NTNG1: variants seen among roughly 807,000 people sequenced by gnomAD.
NTNG1 encodes netrin G1, also known as netrin-G1.
A neutral mutation model predicts 54.0 loss-of-function variants in NTNG1; 16 were observed. The ratio of observed to expected loss-of-function variants is 0.30; its 90% CI spans 0.20 to 0.45. The LOEUF (loss-of-function observed/expected upper bound fraction) is 0.45, where lower values mean the gene tolerates loss of function less well. NTNG1 is among the 20% of genes least tolerant of loss of function. The pLI, the probability that NTNG1 is intolerant of heterozygous loss-of-function variation, is 1.00. For missense variants in NTNG1, 530 were observed against 678.7 expected (o/e 0.78, Z 2.43); for synonymous variants, 255 against 263.1 (o/e 0.97, Z 0.30).
At chr1:107,410,686 G>A (rs964127297) in intron 5 of NTNG1, 8 of 152,036 alleles carry the variant, frequency 5.3e-5, no homozygotes, top group East Asian at 1.9e-4. Flanking sequence ...TAAAATTCGT[G>A]ATTTTATCCA....
chr1:107,179,731 T>A (rs139951764), intron 2 of NTNG1, among the ~76,000 whole-genome samples: 637 of 152,184 alleles, frequency 4.2e-3, no homozygotes, highest in Non-Finnish European at 6.9e-3. Flanking sequence ...TTCCTGATCC[T>A]CTCCCTCCTC....
At chr1:107,257,845 T>A (rs556179972) in intron 2 of NTNG1, among the ~76,000 whole-genome samples, 1 of 152,320 alleles carries the variant, frequency 6.6e-6, no homozygotes, top group East Asian at 1.9e-4. Context: ...ATTCTTCCAA[T>A]GACCTCAGCA....
intron 3 of NTNG1, among the ~76,000 whole-genome samples, chr1:107,340,102 T>G (rs924529671): frequency 6.6e-6 from 1 of 152,106 alleles, no homozygotes; most frequent in African/African-American, 2.4e-5. Flanking sequence ...TCTAAACAAT[T>G]ATCTCCATAT....
intron 2 of NTNG1, among the ~76,000 whole-genome samples, chr1:107,305,588 T>G (rs1221429222): frequency 6.6e-6 from 1 of 152,152 alleles, no homozygotes; most frequent in Non-Finnish European, 1.5e-5. Flanking sequence ...TGGGGTTATT[T>G]TTTTTTCTTG....
intron 3 of NTNG1, among the ~76,000 whole-genome samples, chr1:107,361,385 ATATATATT>A (rs1670283439): frequency 1.4e-5 from 1 of 72,588 alleles, no homozygotes; most frequent in East Asian, 3.7e-4. Flanking sequence ...ATATATATAT[ATATATATT>A]TTTTTTTTTT....
At chr1:107,477,995 T>C (rs549749193) in intron 7 of NTNG1, among the ~76,000 whole-genome samples, 3 of 152,228 alleles carry the variant, frequency 2.0e-5, no homozygotes, top group South Asian at 4.1e-4. Flanking sequence ...TCTTTTATTT[T>C]CTTTGCGGGG....
chr1:107,395,627 A>C, intron 4 of NTNG1: 2 of 519,566 alleles, frequency 3.8e-6, no homozygotes, highest in South Asian at 1.8e-5. Context: ...CCCCAAATTA[A>C]TTTCCTATTA....
chr1:107,336,055 G>A (rs944545375), intron 3 of NTNG1, among the ~76,000 whole-genome samples: 14 of 151,732 alleles, frequency 9.2e-5, no homozygotes, highest in Admixed American at 5.9e-4. Context: ...TCCCATTGAC[G>A]ATATTTTCCG....
intron 4 of NTNG1, among the ~76,000 whole-genome samples, chr1:107,397,432 G>A (rs1270794159): frequency 6.6e-6 from 1 of 152,054 alleles, no homozygotes; most frequent in Non-Finnish European, 1.5e-5. Flanking sequence ...AAGCAGTTTA[G>A]TAGTTTAGTG....
At chr1:107,335,412 A>C (rs1668520771) in intron 3 of NTNG1, among the ~76,000 whole-genome samples, 1 of 152,032 alleles carries the variant, frequency 6.6e-6, no homozygotes, top group Non-Finnish European at 1.5e-5. Context: ...GTTTGAGCTG[A>C]GGAGACATGG....
At chr1:107,169,555 C>A (rs1052775672) in intron 2 of NTNG1, among the ~76,000 whole-genome samples, 3 of 152,016 alleles carry the variant, frequency 2.0e-5, no homozygotes, top group Non-Finnish European at 2.9e-5. Flanking sequence ...TGAAGGCCTT[C>A]ATAGGAATAG....
intron 2 of NTNG1, among the ~76,000 whole-genome samples, chr1:107,294,118 G>T (rs1304422942): frequency 1.3e-5 from 2 of 152,208 alleles, no homozygotes; most frequent in East Asian, 1.9e-4. Flanking sequence ...GGACGAGGAG[G>T]TGTCTCCTAG....
At chr1:107,319,684 A>G (rs967176129) in intron 2 of NTNG1, among the ~76,000 whole-genome samples, 1 of 152,046 alleles carries the variant, frequency 6.6e-6, no homozygotes, top group Non-Finnish European at 1.5e-5. Flanking sequence ...AACGCGTCTC[A>G]CATTCACTTG....
chr1:107,179,325 C>T (rs1482259942), intron 2 of NTNG1, among the ~76,000 whole-genome samples: 1 of 152,168 alleles, frequency 6.6e-6, no homozygotes, highest in Non-Finnish European at 1.5e-5. Context: ...TTTTAAATAA[C>T]TCTTCTTCCT....
chr1:107,446,645 C>G lies in NTNG1; in HGVS notation c.1390+9846C>G, dbSNP rs141204986. Among the ~76,000 whole-genome samples the G allele has an allele frequency of 2.7e-3, 415 of 152,180 alleles. 5 individuals carry two copies. The highest frequency in any genetic ancestry group is 9.8e-3 in the African/African-American group (405 of 41,538). ...AACCCCTGCATTTCTGCCCAGCTCTCTTTTCAGTGTGATTGAGCCCATTGA... is the reference window on the plus strand; with the variant it reads ...AACCCCTGCATTTCTGCCCAGCTCTGTTTTCAGTGTGATTGAGCCCATTGA... On this transcript the variant is annotated intron_variant, in intron 7 of 7. Transcript: ENST00000370068.
At chr1:107,330,317 G>C (rs1668205224) in intron 3 of NTNG1, among the ~76,000 whole-genome samples, 1 of 152,132 alleles carries the variant, frequency 6.6e-6, no homozygotes, top group Non-Finnish European at 1.5e-5. Context: ...GACTACAAGT[G>C]AGGAACAGTT....
chr1:107,228,358 T>A (rs1375850178), intron 2 of NTNG1, among the ~76,000 whole-genome samples: 2 of 152,192 alleles, frequency 1.3e-5, no homozygotes, highest in Non-Finnish European at 2.9e-5. Context: ...TTTTGTGAAC[T>A]ATGAAGTGTA....
intron 2 of NTNG1, 55 bp from the exon 3 acceptor site, chr1:107,324,227 A>G: frequency 6.4e-7 from 1 of 1,551,994 alleles, no homozygotes; most frequent in Non-Finnish European, 8.8e-7. Flanking sequence ...GCAATATGGC[A>G]AGACTTGTGG....
At chr1:107,375,658 C>T (rs904109421) in intron 3 of NTNG1, among the ~76,000 whole-genome samples, 1 of 151,976 alleles carries the variant, frequency 6.6e-6, no homozygotes, top group African/African-American at 2.4e-5. Flanking sequence ...TGATTCTGAC[C>T]CAAAAAGGGA....
Sources: gnomAD v4.1 joint callset for allele counts (sites outside exome capture counted in the v4.1 genomes callset) on GRCh38, gnomAD v4.1.1 for gene constraint, MANE v1.5 for transcripts, NCBI Gene and HGNC (gene_info 2026-07-23, HGNC 2026-07-21) for gene names.